STAC: variants seen among roughly 807,000 people sequenced by gnomAD.
STAC encodes the protein SH3 and cysteine-rich domain-containing protein.
In STAC, 43 loss-of-function variants were observed where a neutral mutation model predicts 48.8. That is an observed-to-expected ratio of 0.88 (90% confidence interval 0.69 to 1.14). The LOEUF is 1.14. Among genes scored for constraint, STAC ranks in the 50% most tolerant of loss-of-function variants. STAC has a pLI of 0.00. For missense variants in STAC, 497 were observed against 504.0 expected (o/e 0.99, Z 0.13); for synonymous variants, 193 against 179.5 (o/e 1.07, Z -0.60).
At chr3:36,543,080 G>A (rs1402269084) in intron 10 of STAC, among the ~76,000 whole-genome samples, 2 of 152,140 alleles carry the variant, frequency 1.3e-5, no homozygotes, top group East Asian at 1.9e-4. Flanking sequence ...AGGACTTTCA[G>A]TGCTAATATT....
intron 1 of STAC, among the ~76,000 whole-genome samples, chr3:36,420,620 A>G (rs1258019441): frequency 6.6e-6 from 1 of 152,196 alleles, no homozygotes; most frequent in Admixed American, 6.5e-5. Context: ...AATACCTGAT[A>G]ATCTGAGGTG....
At chr3:36,441,397 A>G (rs1221291176) in intron 1 of STAC, among the ~76,000 whole-genome samples, 2 of 152,106 alleles carry the variant, frequency 1.3e-5, no homozygotes, top group African/African-American at 4.8e-5. Flanking sequence ...CTCCTGTCCC[A>G]TCCATGTTGC....
intron 2 of STAC, among the ~76,000 whole-genome samples, chr3:36,449,162 A>G (rs1696611207): frequency 6.6e-6 from 1 of 152,078 alleles, no homozygotes; most frequent in African/African-American, 2.4e-5. Flanking sequence ...TGTGGATTAG[A>G]GGAGGGGATA....
intron 8 of STAC, among the ~76,000 whole-genome samples, chr3:36,526,233 A>G (rs985274977): frequency 1.3e-5 from 2 of 152,164 alleles, no homozygotes; most frequent in African/African-American, 4.8e-5. Flanking sequence ...GATTGCATTA[A>G]TGGCCCTAAT....
chr3:36,492,626 G>T (rs1022468881), intron 5 of STAC, among the ~76,000 whole-genome samples: 4 of 152,162 alleles, frequency 2.6e-5, no homozygotes, highest in African/African-American at 9.7e-5. Context: ...AACCTAAGTG[G>T]AAGAATGATT....
chr3:36,420,499 A>G (rs1700424649), intron 1 of STAC, among the ~76,000 whole-genome samples: 1 of 152,206 alleles, frequency 6.6e-6, no homozygotes, highest in Non-Finnish European at 1.5e-5. Context: ...TTACCGCCTG[A>G]GCTCTGCCTC....
chr3:36,523,194 T>C (rs545534354), intron 8 of STAC, among the ~76,000 whole-genome samples: 1 of 152,368 alleles, frequency 6.6e-6, no homozygotes, highest in African/African-American at 2.4e-5. Context: ...TTGCTTTTGT[T>C]ATTTTATTCT....
At chr3:36,493,634 C>T (rs1201086062) in intron 6 of STAC, among the ~76,000 whole-genome samples, 1 of 151,894 alleles carries the variant, frequency 6.6e-6, no homozygotes, top group African/African-American at 2.4e-5. Flanking sequence ...ACCTTAGGTA[C>T]CTGAAACCAA....
intron 8 of STAC, among the ~76,000 whole-genome samples, chr3:36,512,547 A>G (rs1225101353): frequency 6.7e-6 from 1 of 148,352 alleles, no homozygotes; most frequent in Non-Finnish European, 1.5e-5. Flanking sequence ...TTAAAAAAGT[A>G]ATTTCAGAAA....
intron 1 of STAC, among the ~76,000 whole-genome samples, chr3:36,430,259 T>C (rs1336240941): frequency 6.6e-6 from 1 of 152,208 alleles, no homozygotes; most frequent in Non-Finnish European, 1.5e-5. Context: ...AATAAGAGTA[T>C]GTAGAATGTC....
intron 1 of STAC, among the ~76,000 whole-genome samples, chr3:36,396,321 A>G (rs1699856594): frequency 6.6e-6 from 1 of 152,152 alleles, no homozygotes; most frequent in African/African-American, 2.4e-5. Flanking sequence ...ATTTGAGATG[A>G]AGTTTCTTGG....
chr3:36,431,817 C>T (rs1311191434), intron 1 of STAC, among the ~76,000 whole-genome samples: 2 of 152,126 alleles, frequency 1.3e-5, no homozygotes, highest in Non-Finnish European at 2.9e-5. Flanking sequence ...CTCCCCTCAC[C>T]CCCAACTCCT....
intron 2 of STAC, among the ~76,000 whole-genome samples, chr3:36,452,002 A>T (rs1373741451): frequency 6.6e-6 from 1 of 151,794 alleles, no homozygotes; most frequent in Non-Finnish European, 1.5e-5. Flanking sequence ...ACTCAGATCC[A>T]CTCTTTAGCA....
chr3:36,539,678 T>C (rs183446802), intron 10 of STAC, among the ~76,000 whole-genome samples: 588 of 152,314 alleles, frequency 3.9e-3, no homozygotes, highest in Middle Eastern at 0.024. Context: ...GTTTTCTTTG[T>C]GTCTCATTGC....
intron 10 of STAC, 115 bp downstream of exon 10, chr3:36,529,100 T>C (rs1159258835): frequency 9.1e-7 from 1 of 1,103,802 alleles, no homozygotes; most frequent in Non-Finnish European, 1.2e-6. Flanking sequence ...GTATTCACTT[T>C]GAGAAAAGAT....
intron 2 of STAC, among the ~76,000 whole-genome samples, chr3:36,460,079 G>GA (rs1272368988): frequency 6.6e-6 from 1 of 151,922 alleles, no homozygotes; most frequent in Non-Finnish European, 1.5e-5. Flanking sequence ...AACCCTTCAG[G>GA]AATAAAGATG....
chr3:36,488,502 T>G (rs151144445), intron 5 of STAC, among the ~76,000 whole-genome samples: 49 of 152,296 alleles, frequency 3.2e-4, no homozygotes, highest in Non-Finnish European at 5.0e-4. Flanking sequence ...TTGCTTGGTC[T>G]TCTTATTCTA....
chr3:36,439,963 T>C (rs1696292854), intron 1 of STAC, among the ~76,000 whole-genome samples: 2 of 152,226 alleles, frequency 1.3e-5, no homozygotes, highest in Non-Finnish European at 2.9e-5. Context: ...TCTTTGACAG[T>C]TCTGACTCCT....
At chr3:36,433,509 G>A (rs1344451617) in intron 1 of STAC, among the ~76,000 whole-genome samples, 1 of 152,162 alleles carries the variant, frequency 6.6e-6, no homozygotes, top group African/African-American at 2.4e-5. Flanking sequence ...TCCATTGATA[G>A]CTCCTGTTTC....
Sources: gnomAD v4.1 joint callset for allele counts (sites outside exome capture counted in the v4.1 genomes callset) on GRCh38, gnomAD v4.1.1 for gene constraint, MANE v1.5 for transcripts, NCBI Gene and HGNC (gene_info 2026-07-23, HGNC 2026-07-21) for gene names.